NFKBIL1: variants seen among roughly 807,000 people sequenced by gnomAD.
NFKBIL1 encodes the protein NF-kappa-B inhibitor-like protein 1.
Under a neutral mutation model 45.4 loss-of-function variants are expected in NFKBIL1, and 30 were observed. That is an observed-to-expected ratio of 0.66 (90% CI 0.49 to 0.90). The LOEUF is 0.90. NFKBIL1 is among the 40% of genes least tolerant of loss of function. The probability of loss-of-function intolerance (pLI) is 0.00; values close to 1 mark genes in which losing one functional copy is unlikely to be tolerated. For missense variants in NFKBIL1, 434 were observed against 513.4 expected, an observed-to-expected ratio of 0.85 and a Z score of 1.49; for synonymous variants, 179 against 197.3, an observed-to-expected ratio of 0.91 and a Z score of 0.78.
Position 31,557,919 on chromosome 6 carries a change from C to A in NFKBIL1, c.556+70C>A. 2 of 1,505,406 alleles carry A rather than the reference C, an allele frequency of 1.3e-6. No homozygotes were observed. Among genetic ancestry groups the A allele is most frequent in the Admixed American group, 2.0e-5 (1 of 50,370 alleles). 93.3% of individuals were successfully genotyped at this position (1,505,406 alleles called of 1,614,324 possible). A position where few individuals can be genotyped will look rare whatever the true frequency, so the allele number is the denominator to read the frequency against. ...GCTTTCCATCTGCATGAATGCGTCA[C>A]ACTAGGCTCCTCTGCCCCCTCCTCT... On this transcript the variant is annotated intron_variant, in intron 3 of 3. Coordinates refer to ENST00000376148, the MANE Select transcript of NFKBIL1 (RefSeq NM_005007.4). The surrounding 1 kb of genome is among the most constrained non-coding windows in gnomAD (Gnocchi z 5.4).
chr6:31,554,964 A>C (rs533624150), intron 2 of NFKBIL1, among the ~76,000 whole-genome samples: 10 of 152,352 alleles, frequency 6.6e-5, no homozygotes, highest in African/African-American at 2.4e-4. Flanking sequence ...GAAAGAAGCA[A>C]GTTGCCAAGC....
Position 31,558,516 on chromosome 6 carries a change from C to A in NFKBIL1, c.1051C>A (p.Arg351=). The change falls in exon 4 of 4, where the codon CGA becomes AGA. Residue 351 remains arginine, a synonymous_variant. Transcript: ENST00000376148. This position sits in a 1 kb window ranked among gnomAD's most constrained non-coding sequence, Gnocchi z 7.2. ...CCCTGACCGCTTCCTGCAGCGATTC[C>A]GAAGCCAGATTGAGACCTGGGAGCT... is the stretch of plus-strand genomic sequence containing the variant. ...WHPDRFLQRF[R]SQIETWELGR... is the part of the protein sequence containing the mutation. 6.4e-7 allele frequency: 1 copy of A among 1,559,864 alleles called. No individual in the cohort carries two copies. Among genetic ancestry groups the A allele is most frequent in the East Asian group, 2.4e-5 (1 of 42,312 alleles).
chr6:31,554,859 T>C (rs968106802), intron 2 of NFKBIL1, among the ~76,000 whole-genome samples: 12 of 152,372 alleles, frequency 7.9e-5, no homozygotes, highest in Admixed American at 2.0e-4. Context: ...GAGATTTGTT[T>C]TGTACACACA....
At chr6:31,547,881 A>G in intron 1 of NFKBIL1, 130 bp downstream of exon 1, 1 of 851,468 alleles carries the variant, frequency 1.2e-6, no homozygotes, top group South Asian at 1.8e-5. Flanking sequence ...GTTAAAAATT[A>G]AAAATTTACC....
At position 31,548,334 on chromosome 6, in the gene NFKBIL1, G is replaced by A. The variant is rs1338479606; in HGVS notation, c.229G>A (p.Asp77Asn). ...PPLHRACARH[D>N]APALCLLLRL... ...ACTGCACCGGGCCTGTGCCCGCCAC[G>A]ATGCCCCTGCCCTGTGCCTGCTGCT... The change falls in exon 2 of 4, where the codon GAT becomes AAT. Residue 77 changes from aspartate (D) to asparagine (N), a missense_variant. By Grantham distance (23) the Asp-to-Asn change is conservative. Transcript: ENST00000376148. 3 of 1,603,758 alleles carry A rather than the reference G, an allele frequency of 1.9e-6. No homozygotes were observed. Among genetic ancestry groups the A allele is most frequent in the Non-Finnish European group, 2.6e-6 (3 of 1,175,924 alleles).
intron 2 of NFKBIL1, among the ~76,000 whole-genome samples, chr6:31,550,515 G>A (rs143505845): frequency 5.5e-4 from 84 of 152,110 alleles, no homozygotes; most frequent in Admixed American, 9.2e-4. Context: ...GGTTTACTGA[G>A]TGCAGGCATC....
chr6:31,558,489 C>A lies in NFKBIL1; in HGVS notation c.1024C>A (p.His342Asn). Reference sequence around the variant, plus strand: ...CTTGAGGGTCCAGCAGGTCCGCTGGCACCCTGACCGCTTCCTGCAGCGATT... The same window carrying A: ...CTTGAGGGTCCAGCAGGTCCGCTGGAACCCTGACCGCTTCCTGCAGCGATT... ...RYLRVQQVRW[H>N]PDRFLQRFRS... The change falls in exon 4 of 4, where the codon CAC becomes AAC. Residue 342 changes from histidine to asparagine, a missense_variant. His to Asn is a moderately conservative substitution (Grantham distance 68, BLOSUM62 1). Around this residue, in one of 4 missense-constraint regions of NFKBIL1, gnomAD observed 52 missense variants for 95.9 expected, o/e 0.54. Coordinates refer to ENST00000376148, the MANE Select transcript of NFKBIL1 (RefSeq NM_005007.4). This position sits in a 1 kb window ranked among gnomAD's most constrained non-coding sequence, Gnocchi z 7.2. The A allele has an allele frequency of 6.4e-7, 1 of 1,553,048 alleles. No individual in the cohort carries two copies. The highest frequency in any genetic ancestry group is 8.7e-7 in the Non-Finnish European group (1 of 1,148,034).
intron 2 of NFKBIL1, among the ~76,000 whole-genome samples, chr6:31,554,597 A>T (rs1330732330): frequency 2.0e-5 from 3 of 152,212 alleles, no homozygotes; most frequent in African/African-American, 7.2e-5. Flanking sequence ...AGAAAAAAAC[A>T]TTGTTAATAA....
chr6:31,551,930 G>A (rs554558674), intron 2 of NFKBIL1, among the ~76,000 whole-genome samples: 6 of 152,134 alleles, frequency 3.9e-5, no homozygotes, highest in African/African-American at 7.2e-5. Flanking sequence ...CTGAGTAGCC[G>A]GGACTACAGG....
chr6:31,558,589 GC>G lies in NFKBIL1; in HGVS notation c.1126del (p.His376MetfsTer22), dbSNP rs1310639387. The G allele has an allele frequency of 6.4e-7, 1 of 1,555,558 alleles. No homozygotes were observed. Among genetic ancestry groups the G allele is most frequent in the Non-Finnish European group, 8.7e-7 (1 of 1,149,242 alleles). On this transcript the variant is annotated frameshift_variant, in exon 4 of 4. Coordinates refer to ENST00000376148, the MANE Select transcript of NFKBIL1 (RefSeq NM_005007.4). LOFTEE classifies it high-confidence loss of function. The surrounding 1 kb of genome is among the most constrained non-coding windows in gnomAD (Gnocchi z 7.2). ...ACAGCCCTTTCTCAGGCCCTGAATCGCCATGCAGAGGCCCTCAAGTGACCCT... is the reference window on the plus strand; with the variant it reads ...ACAGCCCTTTCTCAGGCCCTGAATCGCATGCAGAGGCCCTCAAGTGACCCT... ...AVTALSQALN[R>X]HAEALK is the part of the protein sequence containing the mutation.
chr6:31,547,446 G>C (rs1317047190), upstream of NFKBIL1: 1 of 406,214 alleles, frequency 2.5e-6, no homozygotes, highest in Non-Finnish European at 4.4e-6. Flanking sequence ...TCTGGTTTCA[G>C]ACGGCCCCTT....
Position 31,552,697 on chromosome 6 carries a change from T to C in NFKBIL1, c.334+4258T>C, listed in dbSNP as rs1769498825. ...AAAGGCGGCATTTCTTTTTTTTTTT[T>C]TTTTTTTTTTTTTTTGGCGAAGTGG... On this transcript the variant is annotated intron_variant, in intron 2 of 3. Transcript: ENST00000376148. Among the ~76,000 whole-genome samples, 2 of 139,120 alleles carry C rather than the reference T, an allele frequency of 1.4e-5. 1 individual carries two copies. The highest frequency in any genetic ancestry group is 5.4e-5 in the African/African-American group (2 of 36,920). The allele number at this position is 139,120 out of a possible 152,430, so 91.3% of individuals were successfully genotyped here.
chr6:31,548,579 C>A (rs1258994426), intron 2 of NFKBIL1, 140 bp downstream of exon 2: 1 of 908,310 alleles, frequency 1.1e-6, no homozygotes, highest in Non-Finnish European at 1.5e-6. Flanking sequence ...ATGTGGCTGT[C>A]ATTTGTCCCT....
chr6:31,555,266 C>A (rs1769657218), intron 2 of NFKBIL1, among the ~76,000 whole-genome samples: 1 of 125,984 alleles, frequency 7.9e-6, no homozygotes, highest in Non-Finnish European at 1.6e-5. Flanking sequence ...AGATGGGAGT[C>A]TCCCTCTGTT....
chr6:31,550,800 CT>C (rs1769388756), intron 2 of NFKBIL1, among the ~76,000 whole-genome samples: 1 of 152,190 alleles, frequency 6.6e-6, no homozygotes, highest in Admixed American at 6.5e-5. Flanking sequence ...AGAGATTCTC[CT>C]GCCTCAGCCT....
chr6:31,548,209 G>A lies in NFKBIL1; in HGVS notation c.104G>A (p.Arg35His), dbSNP rs201426110. Residue 35 changes from arginine to histidine, a missense_variant, in exon 2 of 4, where the codon CGT (arginine) becomes CAT (histidine). By Grantham distance (29) the Arg-to-His change is conservative. Coordinates refer to ENST00000376148, the MANE Select transcript of NFKBIL1 (RefSeq NM_005007.4). ...ASTSRRQRRE[R>H]RFRRYLSAGR... ...ACTTCCCGCCGCCAACGCCGAGAAC[G>A]TCGCTTTCGTCGTTACTTGTCTGCA... 1.9e-6 allele frequency: 3 copies of A among 1,613,118 alleles called. No homozygotes were observed. Among genetic ancestry groups the A allele is most frequent in the Non-Finnish European group, 1.7e-6 (2 of 1,180,044 alleles).
At chr6:31,548,522 T>A in intron 2 of NFKBIL1, 83 bp downstream of exon 2, 2 of 1,362,952 alleles carry the variant, frequency 1.5e-6, no homozygotes, top group Non-Finnish European at 1.9e-6. Flanking sequence ...AGAAATAAGC[T>A]GGTTATTTGG....
intron 2 of NFKBIL1, among the ~76,000 whole-genome samples, chr6:31,549,697 ATTAT>A (rs1769320578): frequency 6.6e-6 from 1 of 151,980 alleles, no homozygotes; most frequent in Non-Finnish European, 1.5e-5. Context: ...AAGTAAGACT[ATTAT>A]TTATTTTCAT....
rs200371667 is a variant in NFKBIL1, at chr6:31,547,676, G to C, written c.-19G>C. 2.6e-5 allele frequency: 41 copies of C among 1,599,748 alleles called. No individual in the cohort carries two copies. The highest frequency in any genetic ancestry group is 2.0e-4 in the East Asian group (9 of 44,706). On this transcript the variant is annotated 5_prime_UTR_variant, in exon 1 of 4. Transcript: ENST00000376148. ...GGCCTACGGCTCTGGGGGTACTTGG[G>C]GGGGCGGGGGCAGGTCTGATGAGTA...
Sources: gnomAD v4.1 joint callset for allele counts (sites outside exome capture counted in the v4.1 genomes callset) on GRCh38, gnomAD v4.1.1 for gene constraint, gnomAD v4.1.1 regional missense constraint, Gnocchi (gnomAD v3.1) non-coding constraint, MANE v1.5 for transcripts, NCBI Gene and HGNC (gene_info 2026-07-23, HGNC 2026-07-21) for gene names.